PIKFYVE: variants seen among roughly 807,000 people sequenced by gnomAD.
The protein encoded by PIKFYVE is phosphoinositide kinase, FYVE-type zinc finger containing, also known as 1-phosphatidylinositol 3-phosphate 5-kinase.
In PIKFYVE, 122 loss-of-function variants were observed where a neutral mutation model predicts 257.9. The observed-to-expected ratio is 0.47, with a 90% CI of 0.41 to 0.55. The LOEUF (loss-of-function observed/expected upper bound fraction) is 0.55. PIKFYVE is among the 20% of genes least tolerant of loss of function. The pLI, the probability that PIKFYVE is intolerant of heterozygous loss-of-function variation, is 0.00. For missense variants in PIKFYVE, 2,160 were observed against 2,536.6 expected, an observed-to-expected ratio of 0.85 and a Z score of 3.19; for synonymous variants, 892 against 868.9, an observed-to-expected ratio of 1.03 and a Z score of -0.47.
intron 14 of PIKFYVE, 41 bp from the exon 15 acceptor site, chr2:208,315,152 G>A (rs766543048): frequency 1.3e-6 from 2 of 1,528,680 alleles, no homozygotes; most frequent in Non-Finnish European, 1.8e-6. Context: ...GTCTCTGGCA[G>A]TATTAACTAT....
In PIKFYVE at chr2:208,328,177, C is replaced by G. The variant is rs1232292281; in HGVS notation, c.3619-3C>G. On this transcript the variant is annotated splice_region_variant and splice_polypyrimidine_tract_variant and intron_variant, in intron 20 of 41. Transcript: ENST00000264380. ...GCTCATCCATTCATTCCTTCTATTTCAGGTGGACTGTCTGAATCCCATTAA... is the reference window on the plus strand; with the variant it reads ...GCTCATCCATTCATTCCTTCTATTTGAGGTGGACTGTCTGAATCCCATTAA... 1 of 1,613,658 alleles carries G rather than the reference C, an allele frequency of 6.2e-7. No individual in the cohort carries two copies.
At chr2:208,329,710 A>C (rs1411755746) in intron 21 of PIKFYVE, 132 bp from the exon 22 acceptor site, 1 of 1,451,282 alleles carries the variant, frequency 6.9e-7, no homozygotes. Context: ...TCATAACAAC[A>C]AAGAACATTA....
intron 10 of PIKFYVE, 62 bp from the exon 11 acceptor site, chr2:208,304,109 G>T: frequency 1.3e-6 from 2 of 1,532,636 alleles, no homozygotes; most frequent in South Asian, 2.2e-5. Flanking sequence ...TTTATAGTGT[G>T]ACAGCCTCAA....
intron 12 of PIKFYVE, among the ~76,000 whole-genome samples, chr2:208,309,895 A>T (rs1694761600): frequency 6.6e-6 from 1 of 152,226 alleles, no homozygotes; most frequent in Non-Finnish European, 1.5e-5. Context: ...AAAAGAAATT[A>T]TAATCCTTTA....
At chr2:208,324,805 A>ATT in intron 18 of PIKFYVE, 106 bp from the exon 19 acceptor site, 1 of 1,358,086 alleles carries the variant, frequency 7.4e-7, no homozygotes, top group Admixed American at 2.0e-5. Context: ...TAAAAAGGAA[A>ATT]TTTGTGAATG....
At chr2:208,292,520 A>C (rs1692447960) in intron 7 of PIKFYVE, among the ~76,000 whole-genome samples, 1 of 152,054 alleles carries the variant, frequency 6.6e-6, no homozygotes, top group Admixed American at 6.6e-5. Flanking sequence ...TGTCTTTTGG[A>C]ATATTGATTT....
chr2:208,295,279 T>C (rs1402813101), intron 7 of PIKFYVE, among the ~76,000 whole-genome samples: 1 of 152,244 alleles, frequency 6.6e-6, no homozygotes, highest in South Asian at 2.1e-4. Context: ...TTCTATTTTT[T>C]ACTTTTGAAT....
chr2:208,351,637 C>T (rs536435120), intron 38 of PIKFYVE, among the ~76,000 whole-genome samples, 182 bp downstream of exon 38: 14 of 152,014 alleles, frequency 9.2e-5, no homozygotes, highest in South Asian at 2.1e-4. Flanking sequence ...ATAGTGCTGG[C>T]GGCGTCTGTT....
At chr2:208,281,636 C>T (rs1296666194) in intron 5 of PIKFYVE, among the ~76,000 whole-genome samples, 4 of 152,120 alleles carry the variant, frequency 2.6e-5, no homozygotes, top group Non-Finnish European at 5.9e-5. Context: ...TCTTGCAAGG[C>T]AGCTAACTCA....
intron 1 of PIKFYVE, among the ~76,000 whole-genome samples, chr2:208,270,607 T>A (rs1465218109): frequency 6.6e-6 from 1 of 152,200 alleles, no homozygotes; most frequent in Non-Finnish European, 1.5e-5. Context: ...AACAACTTGT[T>A]GATTTGAGTA....
intron 24 of PIKFYVE, 61 bp from the exon 25 acceptor site, chr2:208,335,245 G>A: frequency 9.2e-7 from 1 of 1,083,158 alleles, no homozygotes; most frequent in Non-Finnish European, 1.4e-6. Context: ...TCATGATACA[G>A]CTCTATTCAA....
intron 32 of PIKFYVE, among the ~76,000 whole-genome samples, chr2:208,343,833 CT>C (rs10582492): frequency 0.9 from 121,928 of 135,466 alleles, 55,216 homozygotes; most frequent in Middle Eastern, 0.97. Flanking sequence ...AGCTTTTAAA[CT>C]TTTTTTTTTT....
Position 208,338,599 on chromosome 2 carries a change from G to A in PIKFYVE, c.4672+31G>A, listed in dbSNP as rs550570222. 184 of 1,592,076 alleles carry A rather than the reference G, an allele frequency of 1.2e-4. 2 individuals are homozygous for A. Among genetic ancestry groups the A allele is most frequent in the South Asian group, 5.5e-4 (50 of 90,612 alleles). Reference sequence around the variant, plus strand: ...TTCTTGAGTCTGGTGATCACTTGCCGTAGGATTTAAAGAAATTTCTTATTG... The same window carrying A: ...TTCTTGAGTCTGGTGATCACTTGCCATAGGATTTAAAGAAATTTCTTATTG... On this transcript the variant is annotated intron_variant, in intron 29 of 41. Transcript: ENST00000264380.
intron 7 of PIKFYVE, among the ~76,000 whole-genome samples, chr2:208,291,516 C>G (rs1261824559): frequency 6.6e-6 from 1 of 152,040 alleles, no homozygotes; most frequent in Non-Finnish European, 1.5e-5. Flanking sequence ...TCCTCTGATT[C>G]TATCTTCAGG....
At chr2:208,327,695 T>C (rs1324430656) in intron 20 of PIKFYVE, among the ~76,000 whole-genome samples, 1 of 152,202 alleles carries the variant, frequency 6.6e-6, no homozygotes, top group Non-Finnish European at 1.5e-5. Context: ...AGGAGCAGTT[T>C]TGTGTATTTT....
Position 208,301,102 on chromosome 2 carries a change from G to A in PIKFYVE, c.1208+8G>A, listed in dbSNP as rs779476580. ...TGGGCATATTGCCACAAGGTATTCT[G>A]ATCTTAGAAGGTTTCAATATTATTT... On this transcript the variant is annotated splice_region_variant and intron_variant, in intron 9 of 41. Transcript: ENST00000264380. 1 of 1,613,516 alleles carries A rather than the reference G, an allele frequency of 6.2e-7. No homozygotes were observed. Among genetic ancestry groups the A allele is most frequent in the Non-Finnish European group, 8.5e-7 (1 of 1,179,454 alleles).
chr2:208,324,354 G>T lies in PIKFYVE; in HGVS notation c.2331+72G>T, dbSNP rs1574634023. ...TTAAATTTATATGCACGTATGGTAG[G>T]TATACAAGAATCTTTTTTTCTTTGC... On this transcript the variant is annotated intron_variant, in intron 18 of 41. Transcript: ENST00000264380. The T allele has an allele frequency of 7.4e-6, 11 of 1,488,402 alleles. No homozygotes were observed. The East Asian group carries it at 2.5e-4, about 34-fold the overall frequency. 92.2% of individuals were successfully genotyped at this position (1,488,402 alleles called of 1,614,324 possible).
At chr2:208,335,653 T>C in intron 25 of PIKFYVE, 140 bp from the exon 26 acceptor site, 2 of 817,760 alleles carry the variant, frequency 2.4e-6, no homozygotes, top group South Asian at 3.2e-5. Flanking sequence ...TCTTATTTAC[T>C]CTGCAAAACT....
rs1187476972 is a variant in PIKFYVE, at chr2:208,305,029, C to T, written c.1636+16C>T. The T allele has an allele frequency of 2.5e-6, 4 of 1,613,948 alleles. No individual in the cohort carries two copies. Among genetic ancestry groups the T allele is most frequent in the Non-Finnish European group, 3.4e-6 (4 of 1,179,976 alleles). On this transcript the variant is annotated intron_variant, in intron 12 of 41. Coordinates refer to ENST00000264380, the MANE Select transcript of PIKFYVE (RefSeq NM_015040.4). ...GACCAAAAAGGTAGGAGGTAGTCAC[C>T]ATCTGGAATCCAAACACAGGCTGGA... is the stretch of plus-strand genomic sequence containing the variant.
Sources: gnomAD v4.1 joint callset for allele counts (sites outside exome capture counted in the v4.1 genomes callset) on GRCh38, gnomAD v4.1.1 for gene constraint, MANE v1.5 for transcripts, NCBI Gene and HGNC (gene_info 2026-07-23, HGNC 2026-07-21) for gene names.